Variants in SPAG17 observed in about 807,000 individuals in gnomAD.
The protein encoded by SPAG17 is sperm associated antigen 17.
A neutral mutation model predicts 273.6 loss-of-function variants in SPAG17; 169 were observed. The ratio of observed to expected loss-of-function variants is 0.62; its 90% CI spans 0.55 to 0.70. The LOEUF is 0.70. Ranked by LOEUF, SPAG17 falls within the 30% of genes least tolerant of loss-of-function variation. SPAG17 has a pLI of 0.00. For synonymous variants in SPAG17, 825 were observed against 873.2 expected, an observed-to-expected ratio of 0.94 and a Z score of 0.97; for missense variants, 2,557 against 2,627.8, an observed-to-expected ratio of 0.97 and a Z score of 0.59.
At chr1:118,009,603 A>G (rs1441121952) in intron 30 of SPAG17, among the ~76,000 whole-genome samples, 1 of 152,166 alleles carries the variant, frequency 6.6e-6, no homozygotes, top group Non-Finnish European at 1.5e-5. Flanking sequence ...TGCAAATTAG[A>G]TGCCTTGAGG....
At chr1:118,054,666 T>C (rs149121689) in intron 19 of SPAG17, among the ~76,000 whole-genome samples, 10 of 152,166 alleles carry the variant, frequency 6.6e-5, no homozygotes, top group African/African-American at 2.4e-4. Flanking sequence ...GCCCTAGACA[T>C]GAGTGTTAGA....
rs147010969 is a variant in SPAG17 at position 118,123,938 on chromosome 1, C to T, written c.316-8497G>A. On this transcript the variant is annotated intron_variant, in intron 3 of 48. Coordinates refer to ENST00000336338, the MANE Select transcript of SPAG17 (RefSeq NM_206996.4). ...AATTTAAAATGTAATGAATTTCCTACGGGAGGTGTACATTTTGAACAACCA... is the reference window on the plus strand; with the variant it reads ...AATTTAAAATGTAATGAATTTCCTATGGGAGGTGTACATTTTGAACAACCA... 1.5e-3 allele frequency among the ~76,000 whole-genome samples: 233 copies of T among 152,190 alleles called. 2 individuals are homozygous for T. In the Middle Eastern group the frequency reaches 0.02, roughly 13 times the overall value.
In SPAG17 at chr1:117,992,622, A is replaced by G. The variant is rs777946080; in HGVS notation, c.5205T>C (p.Gly1735=). 1.2e-6 allele frequency: 2 copies of G among 1,605,624 alleles called. No homozygotes were observed. Among genetic ancestry groups the G allele is most frequent in the Admixed American group, 3.5e-5 (2 of 57,880 alleles). Residue 1735 remains glycine (G), a synonymous_variant, in exon 36 of 49, where the codon GGT becomes GGC. Transcript: ENST00000336338. ...TGCAAAGGCCTTTCCAAATCTGAGT[A>G]CCAAACGGAGGTCCTGGAGTTTTTT... ...VEKKTPGPPF[G]TQIWKGLCIE... is the part of the protein sequence containing the mutation.
chr1:117,981,628 T>G (rs1655823985), intron 42 of SPAG17, among the ~76,000 whole-genome samples: 1 of 152,198 alleles, frequency 6.6e-6, no homozygotes, highest in Non-Finnish European at 1.5e-5. Context: ...TTTGCAAAGT[T>G]TGTACTCCCT....
intron 28 of SPAG17, among the ~76,000 whole-genome samples, chr1:118,019,464 T>TA (rs947436630): frequency 4.4e-4 from 65 of 147,284 alleles, no homozygotes; most frequent in African/African-American, 7.0e-4. Flanking sequence ...AGCATAGAAG[T>TA]AAAAAAAAAA....
rs1302064526 is a variant in SPAG17, at chr1:118,050,914, C to G, written c.2814+3088G>C. 4.9e-4 allele frequency among the ~76,000 whole-genome samples: 75 copies of G among 151,984 alleles called. 1 individual carries two copies. The highest frequency in any genetic ancestry group is 1.7e-3 in the African/African-American group (70 of 41,338). The stretch of plus-strand genomic sequence containing the variant: ...AAATGGCATCACGTTAGACTAAAAC[C>G]TTCTGCACAACAAAGAAAACAATCA... On this transcript the variant is annotated intron_variant, in intron 20 of 48. Transcript: ENST00000336338.
chr1:118,145,332 GATT>G (rs1288991871), intron 3 of SPAG17, among the ~76,000 whole-genome samples: 1 of 152,156 alleles, frequency 6.6e-6, no homozygotes, highest in Non-Finnish European at 1.5e-5. Context: ...TGGCAAAATA[GATT>G]ATAATTAAGC....
chr1:118,070,399 G>A (rs1653457489), intron 17 of SPAG17, among the ~76,000 whole-genome samples: 1 of 152,176 alleles, frequency 6.6e-6, no homozygotes, highest in East Asian at 1.9e-4. Context: ...TTAAGAAGCA[G>A]TTAGGCCCCT....
chr1:118,078,697 G>A (rs371339673), intron 15 of SPAG17, among the ~76,000 whole-genome samples: 4 of 151,960 alleles, frequency 2.6e-5, no homozygotes, highest in East Asian at 3.9e-4. Context: ...TGATATATAA[G>A]GTTTGTTGTA....
At chr1:118,055,587 C>G in intron 19 of SPAG17, 146 bp downstream of exon 19, 1 of 640,048 alleles carries the variant, frequency 1.6e-6, no homozygotes, top group South Asian at 2.0e-5. Context: ...TGCAGCTACT[C>G]TATTTACTAG....
intron 25 of SPAG17, 84 bp from the exon 26 acceptor site, chr1:118,028,478 A>G (rs1648043162): frequency 6.5e-7 from 1 of 1,545,718 alleles, no homozygotes; most frequent in African/African-American, 1.4e-5. Flanking sequence ...GGATATGCTG[A>G]GTGCTCAGGA....
intron 3 of SPAG17, among the ~76,000 whole-genome samples, chr1:118,117,313 G>C (rs1657148940): frequency 6.6e-6 from 1 of 152,182 alleles, no homozygotes; most frequent in Non-Finnish European, 1.5e-5. Context: ...CCTATGTCTG[G>C]GGGGTTTGGG....
chr1:117,968,758 A>T (rs1481824595), intron 46 of SPAG17, among the ~76,000 whole-genome samples: 2 of 152,234 alleles, frequency 1.3e-5, no homozygotes, highest in South Asian at 2.1e-4. Flanking sequence ...CTTCAGACTC[A>T]GGGAGCATTG....
Position 118,025,978 on chromosome 1 carries a change from T to C in SPAG17, c.3731-562A>G, listed in dbSNP as rs140901573. Among the ~76,000 whole-genome samples the C allele has an allele frequency of 2.9e-4, 44 of 152,256 alleles. No individual in the cohort carries two copies. In the East Asian group the frequency reaches 8.1e-3, roughly 28 times the overall value. On this transcript the variant is annotated intron_variant, in intron 26 of 48. Transcript: ENST00000336338. ...CTCTCTAATAAAATCCAGGACAAAT[T>C]GAGGCAAAATTATGAAGGAAGCCGA...
At chr1:118,126,723 G>C (rs2102286492) in intron 3 of SPAG17, among the ~76,000 whole-genome samples, 1 of 151,802 alleles carries the variant, frequency 6.6e-6, no homozygotes, top group African/African-American at 2.4e-5. Flanking sequence ...CTTTATTTTT[G>C]CCTGTGCTTT....
At chr1:118,183,592 ATTGT>A (rs1278489469) in intron 1 of SPAG17, among the ~76,000 whole-genome samples, 1 of 152,212 alleles carries the variant, frequency 6.6e-6, no homozygotes, top group Non-Finnish European at 1.5e-5. Flanking sequence ...TTGAAGTTAT[ATTGT>A]TTGAGTAGGA....
At chr1:118,010,041 C>G (rs1659311089) in intron 30 of SPAG17, among the ~76,000 whole-genome samples, 1 of 152,008 alleles carries the variant, frequency 6.6e-6, no homozygotes, top group East Asian at 1.9e-4. Context: ...AGAAGTTGAA[C>G]TCATGCAAGT....
intron 5 of SPAG17, 138 bp downstream of exon 5, chr1:118,101,602 T>G: frequency 3.7e-6 from 3 of 805,140 alleles, no homozygotes; most frequent in Non-Finnish European, 5.9e-6. Context: ...TTCTAGTGTC[T>G]CTAGGGCAAA....
At chr1:118,037,033 G>A (rs2101906966) in intron 23 of SPAG17, 150 bp from the exon 24 acceptor site, 1 of 589,664 alleles carries the variant, frequency 1.7e-6, no homozygotes, top group South Asian at 2.1e-5. Flanking sequence ...TGCACTCAGG[G>A]TTGTTAGAGG....
Sources: allele counts gnomAD v4.1 joint callset (sites outside exome capture counted in the v4.1 genomes callset), GRCh38; gene constraint gnomAD v4.1.1; transcripts MANE v1.5; gene names NCBI Gene and HGNC (gene_info 2026-07-23, HGNC 2026-07-21).